Variants in SUGCT observed in about 807,000 individuals in gnomAD.
SUGCT encodes the protein succinyl-CoA:glutarate-CoA transferase.
SUGCT carries 41 observed loss-of-function variants against 55.0 expected under a neutral mutation model. That is an observed-to-expected ratio of 0.74 (90% CI 0.58 to 0.97). The LOEUF (loss-of-function observed/expected upper bound fraction) is 0.97, where lower values mean the gene tolerates loss of function less well. Ranked by LOEUF, SUGCT falls within the 50% of genes least tolerant of loss-of-function variation. The pLI is 0.00. For synonymous variants in SUGCT, 187 were observed against 200.4 expected (o/e 0.93, Z 0.56); for missense variants, 568 against 547.8 (o/e 1.04, Z -0.37).
chr7:40,303,329 C>T (rs185117080), intron 8 of SUGCT, among the ~76,000 whole-genome samples: 13 of 152,132 alleles, frequency 8.5e-5, no homozygotes, highest in Admixed American at 1.3e-4. Flanking sequence ...CCACCTCGCC[C>T]GGCCAAGAAA....
At chr7:40,392,117 C>A (rs1785466960) in intron 9 of SUGCT, among the ~76,000 whole-genome samples, 1 of 152,112 alleles carries the variant, frequency 6.6e-6, no homozygotes, top group African/African-American at 2.4e-5. Context: ...GAGAACGTCA[C>A]ACACCGGGGC....
At chr7:40,810,025 A>G (rs561814533) in intron 13 of SUGCT, among the ~76,000 whole-genome samples, 2 of 152,214 alleles carry the variant, frequency 1.3e-5, no homozygotes, top group African/African-American at 4.8e-5. Context: ...GATCTAATCC[A>G]TCTTTCATAG....
At chr7:40,536,238 T>C (rs1794354268) in intron 12 of SUGCT, among the ~76,000 whole-genome samples, 1 of 152,162 alleles carries the variant, frequency 6.6e-6, no homozygotes, top group Admixed American at 6.5e-5. Context: ...GACATTTCAT[T>C]TTTCTAGAGA....
intron 12 of SUGCT, among the ~76,000 whole-genome samples, chr7:40,544,672 A>G (rs942724944): frequency 6.6e-6 from 1 of 152,208 alleles, no homozygotes; most frequent in African/African-American, 2.4e-5. Context: ...GACTTTGGTT[A>G]TGCAGTGATT....
chr7:40,432,897 C>G (rs1413786059), intron 9 of SUGCT, among the ~76,000 whole-genome samples: 1 of 151,082 alleles, frequency 6.6e-6, no homozygotes, highest in Non-Finnish European at 1.5e-5. Context: ...TATCCTTTCT[C>G]TCTCTCTCTC....
At chr7:40,917,095 C>A in the SUGCT span, among the ~76,000 whole-genome samples, 1 of 152,236 alleles carries the variant, frequency 6.6e-6, no homozygotes, top group Non-Finnish European at 1.5e-5. Context: ...TGAGGGACAT[C>A]AGGAGTTCCT....
At chr7:40,304,868 C>T (rs978773913) in intron 8 of SUGCT, among the ~76,000 whole-genome samples, 5 of 151,964 alleles carry the variant, frequency 3.3e-5, no homozygotes, top group Non-Finnish European at 7.4e-5. Context: ...TCAATAGACA[C>T]AGAAAAAGCA....
chr7:40,961,301 A>G, the SUGCT span, among the ~76,000 whole-genome samples: 3 of 152,210 alleles, frequency 2.0e-5, no homozygotes, highest in African/African-American at 7.2e-5. Flanking sequence ...GGGATCACAC[A>G]CAGTGCCACA....
chr7:40,685,067 G>C (rs1015061152), intron 12 of SUGCT, among the ~76,000 whole-genome samples: 1 of 151,930 alleles, frequency 6.6e-6, no homozygotes, highest in African/African-American at 2.4e-5. Flanking sequence ...ATGTTGGTCA[G>C]GCTGGTCTCA....
At chr7:40,792,233 A>G (rs1186379025) in intron 13 of SUGCT, among the ~76,000 whole-genome samples, 1 of 152,160 alleles carries the variant, frequency 6.6e-6, no homozygotes, top group East Asian at 1.9e-4. Flanking sequence ...TAGAACAGGA[A>G]GGAAGAGTGT....
chr7:40,241,045 A>G (rs1789347512), intron 7 of SUGCT, among the ~76,000 whole-genome samples: 1 of 152,190 alleles, frequency 6.6e-6, no homozygotes, highest in Admixed American at 6.6e-5. Context: ...TTGGGGAGGT[A>G]AGGAACAGTG....
chr7:41,021,721 G>A, the SUGCT span, among the ~76,000 whole-genome samples: 1 of 151,848 alleles, frequency 6.6e-6, no homozygotes, highest in African/African-American at 2.4e-5. Flanking sequence ...ATGATGAAAG[G>A]CATGACACTG....
At chr7:40,564,438 A>G (rs575211967) in intron 12 of SUGCT, among the ~76,000 whole-genome samples, 5 of 152,354 alleles carry the variant, frequency 3.3e-5, no homozygotes, top group Admixed American at 2.0e-4. Flanking sequence ...CGATAAGCCT[A>G]TGTAACTTTT....
chr7:40,309,939 G>GAATA (rs1329701633), intron 8 of SUGCT, among the ~76,000 whole-genome samples: 6 of 147,940 alleles, frequency 4.1e-5, no homozygotes, highest in South Asian at 4.3e-4. Flanking sequence ...ATAAATGATT[G>GAATA]AATAAATAAA....
At position 40,316,744 on chromosome 7, in the gene SUGCT, CT is replaced by C. The variant is rs768113427; in HGVS notation, c.721-9del. The C allele has an allele frequency of 9.8e-6, 15 of 1,536,394 alleles. No homozygotes were observed. Among genetic ancestry groups the C allele is most frequent in the African/African-American group, 2.7e-5 (2 of 73,256 alleles). On this transcript the variant is annotated splice_polypyrimidine_tract_variant and intron_variant, in intron 8 of 13. Coordinates refer to ENST00000335693, the MANE Select transcript of SUGCT (RefSeq NM_001193313.2). ...CTAGCTGTTCTATTTTATTTATTTACTTTTTTTCCTGGTAGGTGGCGTGTTT... is the reference window on the plus strand; with the variant it reads ...CTAGCTGTTCTATTTTATTTATTTACTTTTTTCCTGGTAGGTGGCGTGTTT...
chr7:40,180,732 G>C (rs528120512), intron 1 of SUGCT, among the ~76,000 whole-genome samples: 1 of 151,992 alleles, frequency 6.6e-6, no homozygotes, highest in African/African-American at 2.4e-5. Flanking sequence ...CAGGTGATCC[G>C]CCTGCCTCGG....
intron 6 of SUGCT, among the ~76,000 whole-genome samples, chr7:40,220,580 C>T (rs1339460300): frequency 1.3e-5 from 2 of 152,144 alleles, no homozygotes; most frequent in Non-Finnish European, 2.9e-5. Context: ...ATGATTCATC[C>T]ACCCCATTTA....
intron 12 of SUGCT, among the ~76,000 whole-genome samples, chr7:40,530,844 G>T (rs529096014): frequency 1.2e-4 from 18 of 152,240 alleles, no homozygotes; most frequent in Middle Eastern, 3.4e-3. Context: ...TTAAACATTG[G>T]TTTTTTTGTT....
chr7:40,768,162 G>A (rs1788898577), intron 13 of SUGCT, among the ~76,000 whole-genome samples: 1 of 152,146 alleles, frequency 6.6e-6, no homozygotes, highest in South Asian at 2.1e-4. Flanking sequence ...AAGGTTTTCA[G>A]CTCAGTCTTG....
Sources: gnomAD v4.1 joint callset for allele counts (sites outside exome capture counted in the v4.1 genomes callset) on GRCh38, gnomAD v4.1.1 for gene constraint, MANE v1.5 for transcripts, NCBI Gene and HGNC (gene_info 2026-07-23, HGNC 2026-07-21) for gene names.